Variants in GMDS observed in about 807,000 individuals in gnomAD.
GMDS encodes the protein GDP-mannose 4,6 dehydratase.
In GMDS, 20 loss-of-function variants were observed where a neutral mutation model predicts 49.9. The observed-to-expected ratio is 0.40, with a 90% CI of 0.28 to 0.58. GMDS has a LOEUF of 0.58. Among genes scored for constraint, GMDS ranks in the 20% least tolerant of loss-of-function variants. The pLI is 0.42. For synonymous variants in GMDS, 177 were observed against 178.6 expected (o/e 0.99, Z 0.07); for missense variants, 362 against 481.4 (o/e 0.75, Z 2.32).
chr6:1,652,381 ATATATATATATT>A (rs1190073965), intron 9 of GMDS, among the ~76,000 whole-genome samples: 834 of 6,242 alleles, frequency 0.13, 87 homozygotes, highest in Non-Finnish European at 0.19. Flanking sequence ...AAAAAAAAAA[ATATATATATATT>A]ATATATATAT....
intron 7 of GMDS, among the ~76,000 whole-genome samples, chr6:1,886,345 T>C (rs1162666701): frequency 6.6e-6 from 1 of 152,206 alleles, no homozygotes; most frequent in African/African-American, 2.4e-5. Context: ...AATTTTATTC[T>C]GTGATAAATC....
At chr6:1,728,832 C>T (rs1766684628) in intron 8 of GMDS, among the ~76,000 whole-genome samples, 1 of 152,028 alleles carries the variant, frequency 6.6e-6, no homozygotes, top group South Asian at 2.1e-4. Flanking sequence ...TTTCCTTTCT[C>T]CTCTTTCTTT....
chr6:1,945,112 T>C (rs1484545712), intron 6 of GMDS, among the ~76,000 whole-genome samples: 1 of 152,144 alleles, frequency 6.6e-6, no homozygotes, highest in Non-Finnish European at 1.5e-5. Context: ...AAGAATTGTG[T>C]GCCAGTCAGA....
chr6:1,895,207 A>G (rs889066291), intron 7 of GMDS, among the ~76,000 whole-genome samples: 9 of 152,092 alleles, frequency 5.9e-5, no homozygotes, highest in African/African-American at 2.2e-4. Context: ...ATGATTTTTG[A>G]TGACTGCCCA....
In GMDS at chr6:1,719,386, C is replaced by T. The variant is rs141190159; in HGVS notation, c.987+7030G>A. On this transcript the variant is annotated intron_variant, in intron 9 of 10. Coordinates refer to ENST00000380815, the MANE Select transcript of GMDS (RefSeq NM_001500.4). ...GTAGATGGGCATGACTACATTTCAGCCCCAGAATATTCTAGTGTCTGCAGA... is the reference window on the plus strand; with the variant it reads ...GTAGATGGGCATGACTACATTTCAGTCCCAGAATATTCTAGTGTCTGCAGA... Among the ~76,000 whole-genome samples, 302 of 152,220 alleles carry T rather than the reference C, an allele frequency of 2.0e-3. 1 individual carries two copies. The highest frequency in any genetic ancestry group is 6.7e-3 in the African/African-American group (279 of 41,534).
intron 9 of GMDS, among the ~76,000 whole-genome samples, chr6:1,661,255 T>G (rs1433656183): frequency 6.6e-6 from 1 of 152,116 alleles, no homozygotes; most frequent in Non-Finnish European, 1.5e-5. Flanking sequence ...GATCCCTGAG[T>G]GGATTGCACA....
At chr6:2,211,037 T>C (rs1232338697) in intron 1 of GMDS, among the ~76,000 whole-genome samples, 1 of 152,186 alleles carries the variant, frequency 6.6e-6, no homozygotes, top group Non-Finnish European at 1.5e-5. Context: ...TCCACCATGA[T>C]TGCAAGTTTC....
intron 1 of GMDS, among the ~76,000 whole-genome samples, chr6:2,219,076 G>A (rs6917151): frequency 0.041 from 6,205 of 152,138 alleles, 419 homozygotes; most frequent in African/African-American, 0.14. Context: ...CAGCCTGGGC[G>A]ACAGAGCAAG....
chr6:1,905,725 A>G (rs13205203), intron 7 of GMDS, among the ~76,000 whole-genome samples: 518 of 74,712 alleles, frequency 6.9e-3, no homozygotes, highest in East Asian at 0.015. Context: ...GCACATAGCT[A>G]TGGGTGCTGG....
intron 1 of GMDS, among the ~76,000 whole-genome samples, chr6:2,200,829 A>G (rs1779488632): frequency 7.0e-6 from 1 of 142,434 alleles, no homozygotes; most frequent in Non-Finnish European, 1.5e-5. Flanking sequence ...CCGAGATGTA[A>G]CCATCTAGGC....
intron 9 of GMDS, among the ~76,000 whole-genome samples, chr6:1,708,716 G>A (rs1765833649): frequency 6.6e-6 from 1 of 152,238 alleles, no homozygotes; most frequent in Non-Finnish European, 1.5e-5. Flanking sequence ...AGGCCAGTGA[G>A]CGCCGGGGGC....
chr6:1,794,093 T>C (rs190585173), intron 7 of GMDS, among the ~76,000 whole-genome samples: 8 of 152,318 alleles, frequency 5.3e-5, no homozygotes, highest in Admixed American at 3.9e-4. Context: ...CAACAAAATA[T>C]AATGTTTGGA....
At chr6:2,090,299 G>A (rs1022163441) in intron 4 of GMDS, among the ~76,000 whole-genome samples, 18 of 152,142 alleles carry the variant, frequency 1.2e-4, no homozygotes, top group African/African-American at 2.7e-4. Flanking sequence ...TCCCAAATCC[G>A]ATGGTAAAGA....
intron 1 of GMDS, among the ~76,000 whole-genome samples, chr6:2,149,163 G>C (rs1012496428): frequency 1.3e-5 from 2 of 151,874 alleles, no homozygotes; most frequent in African/African-American, 4.8e-5. Flanking sequence ...AGATGATTAA[G>C]GGCTTTATCT....
chr6:2,195,218 A>G (rs1404148389), intron 1 of GMDS, among the ~76,000 whole-genome samples: 1 of 152,228 alleles, frequency 6.6e-6, no homozygotes, highest in African/African-American at 2.4e-5. Flanking sequence ...CTTCTTCTGT[A>G]GAAGCGATAG....
chr6:2,237,883 G>T (rs1262895225), intron 1 of GMDS, among the ~76,000 whole-genome samples: 1 of 152,024 alleles, frequency 6.6e-6, no homozygotes, highest in African/African-American at 2.4e-5. Flanking sequence ...GAGAAAGAAA[G>T]GAGAAAACTG....
chr6:1,792,158 AT>A (rs1769570174), intron 7 of GMDS, among the ~76,000 whole-genome samples: 2 of 151,868 alleles, frequency 1.3e-5, no homozygotes, highest in Non-Finnish European at 2.9e-5. Flanking sequence ...TATAAATATT[AT>A]TTTCTTCAGA....
At chr6:2,175,528 A>T (rs1047781196) in intron 1 of GMDS, among the ~76,000 whole-genome samples, 1 of 152,202 alleles carries the variant, frequency 6.6e-6, no homozygotes, top group African/African-American at 2.4e-5. Context: ...AGAGAGCAGC[A>T]TTACTATACC....
intron 8 of GMDS, among the ~76,000 whole-genome samples, chr6:1,737,830 A>ACC (rs1328718061): frequency 2.0e-3 from 41 of 20,318 alleles, no homozygotes; most frequent in African/African-American, 0.014. Context: ...ACAAAGACAC[A>ACC]CCACACACAC....
Sources: gnomAD v4.1 joint callset for allele counts (sites outside exome capture counted in the v4.1 genomes callset) on GRCh38, gnomAD v4.1.1 for gene constraint, MANE v1.5 for transcripts, NCBI Gene and HGNC (gene_info 2026-07-23, HGNC 2026-07-21) for gene names.